TOP1: variants seen among roughly 807,000 people sequenced by gnomAD.
The protein encoded by TOP1 is DNA topoisomerase I.
Under a neutral mutation model 111.1 loss-of-function variants are expected in TOP1, and 10 were observed. That is an observed-to-expected ratio of 0.09 (90% CI 0.06 to 0.15). TOP1 has a LOEUF of 0.15. Ranked by LOEUF, TOP1 falls within the 10% of genes least tolerant of loss-of-function variation. TOP1 has a pLI of 1.00. For missense variants in TOP1, 474 were observed against 926.7 expected (o/e 0.51, Z 6.34); for synonymous variants, 271 against 302.9 (o/e 0.89, Z 1.10).
chr20:41,084,307 A>G (rs1327890624), intron 7 of TOP1, among the ~76,000 whole-genome samples, 155 bp from the exon 8 acceptor site: 2 of 152,116 alleles, frequency 1.3e-5, no homozygotes, highest in African/African-American at 4.8e-5. Flanking sequence ...GCACCAGTAC[A>G]TTGTTATTCA....
At chr20:41,085,545 T>C (rs1201651718) in intron 8 of TOP1, among the ~76,000 whole-genome samples, 1 of 152,244 alleles carries the variant, frequency 6.6e-6, no homozygotes, top group Non-Finnish European at 1.5e-5. Context: ...TTAACTACTA[T>C]ACCAGCAGTA....
rs1600564740 is a variant in TOP1, at chr20:41,058,822, C to T, written c.59-2572C>T. 6.6e-6 allele frequency among the ~76,000 whole-genome samples: 1 copy of T among 152,068 alleles called. No homozygotes were observed. Among genetic ancestry groups the T allele is most frequent in the East Asian group, 1.9e-4 (1 of 5,190 alleles). On this transcript the variant is annotated intron_variant, in intron 2 of 20. Transcript: ENST00000361337. This position sits in a 1 kb window ranked among gnomAD's most constrained non-coding sequence, Gnocchi z 4.2. ...AAATAGACCTATAATTATATGACCG[C>T]TCGAAAACGCCAAGACAATTTAATG...
chr20:41,121,727 C>A lies in TOP1; in HGVS notation c.1982C>A (p.Ala661Asp). The A allele has an allele frequency of 6.2e-7, 1 of 1,614,128 alleles. No individual in the cohort carries two copies. The highest frequency in any genetic ancestry group is 8.5e-7 in the Non-Finnish European group (1 of 1,179,984). The change falls in exon 19 of 21, where the codon GCC (alanine) becomes GAC (aspartate). Residue 661 changes from alanine (A) to aspartate (D), a missense_variant. Ala to Asp is a moderately radical substitution (Grantham distance 126). Transcript: ENST00000361337. The surrounding 1 kb of genome is among the most constrained non-coding windows in gnomAD (Gnocchi z 4.2). ...IDAKKEQLADARRDLKSAKAD... is the reference protein window; with the variant it reads ...IDAKKEQLADDRRDLKSAKAD... The stretch of plus-strand genomic sequence containing the variant: ...GCCAAGAAGGAACAGCTAGCAGATG[C>A]CCGGAGAGACCTGAAAAGTGCTAAG...
In TOP1 at chr20:41,028,993, C is replaced by T; in HGVS notation, c.-75C>T. On this transcript the variant is annotated 5_prime_UTR_variant, in exon 1 of 21. Coordinates refer to ENST00000361337, the MANE Select transcript of TOP1 (RefSeq NM_003286.4). The stretch of plus-strand genomic sequence containing the variant: ...CGAGCCTCCGGAGTCCCCGTCCGCC[C>T]GCACAGGCCGGTTCGCCGTCTGCGT... The T allele has an allele frequency of 1.5e-6, 2 of 1,358,818 alleles. No individual in the cohort carries two copies. The highest frequency in any genetic ancestry group is 2.7e-5 in the East Asian group (1 of 37,410). 84.2% of individuals were successfully genotyped at this position (1,358,818 alleles called of 1,614,324 possible).
At chr20:41,120,325 A>G (rs2034401977) in intron 18 of TOP1, among the ~76,000 whole-genome samples, 1 of 152,252 alleles carries the variant, frequency 6.6e-6, no homozygotes, top group Admixed American at 6.5e-5. Context: ...TGATCCTCTC[A>G]CAATGGTGGC....
intron 3 of TOP1, among the ~76,000 whole-genome samples, chr20:41,075,224 T>C (rs1470309417): frequency 6.6e-6 from 1 of 152,142 alleles, no homozygotes; most frequent in Non-Finnish European, 1.5e-5. Flanking sequence ...CAGGCTGGAG[T>C]GCAGTGGCAC....
Position 41,035,015 on chromosome 20 carries a change from A to G in TOP1, c.58+5560A>G, listed in dbSNP as rs142935494. Among the ~76,000 whole-genome samples, 340 of 152,136 alleles carry G rather than the reference A, an allele frequency of 2.2e-3. 1 individual carries two copies. Among genetic ancestry groups the G allele is most frequent in the African/African-American group, 6.5e-3 (271 of 41,494 alleles). On this transcript the variant is annotated intron_variant, in intron 2 of 20. Transcript: ENST00000361337. ...AGCGATCCTCCTACCTCACCCTCCC[A>G]AGTAGCTGGAACTACAGGTGCATGT... is the stretch of plus-strand genomic sequence containing the variant.
chr20:41,029,518 T>G lies in TOP1; in HGVS notation c.58+63T>G. 1 of 1,340,100 alleles carries G rather than the reference T, an allele frequency of 7.5e-7. No individual in the cohort carries two copies. Among genetic ancestry groups the G allele is most frequent in the Non-Finnish European group, 1.0e-6 (1 of 959,196 alleles). 83.0% of individuals were successfully genotyped at this position (1,340,100 alleles called of 1,614,324 possible). ...GCCGCCGGCCGCCTCCCCCGCGCCCTGCCGGTGCCGGGCAGAGGACAGACA... is the reference window on the plus strand; with the variant it reads ...GCCGCCGGCCGCCTCCCCCGCGCCCGGCCGGTGCCGGGCAGAGGACAGACA... On this transcript the variant is annotated intron_variant, in intron 2 of 20. Transcript: ENST00000361337. The surrounding 1 kb of genome is among the most constrained non-coding windows in gnomAD (Gnocchi z 6.1).
rs991768834 is a variant in TOP1 at position 41,089,357 on chromosome 20, A to T, written c.615-3115A>T. Among the ~76,000 whole-genome samples, 4 of 152,008 alleles carry T rather than the reference A, an allele frequency of 2.6e-5. No homozygotes were observed. In the South Asian group the frequency reaches 6.2e-4, roughly 24 times the overall value. On this transcript the variant is annotated intron_variant, in intron 8 of 20. Coordinates refer to ENST00000361337, the MANE Select transcript of TOP1 (RefSeq NM_003286.4). Reference sequence around the variant, plus strand: ...CCCAGTTCTTGGTAAGCACCATTCTACTTTCTGTCTCTATGAATTTGACTA... The same window carrying T: ...CCCAGTTCTTGGTAAGCACCATTCTTCTTTCTGTCTCTATGAATTTGACTA...
chr20:41,097,567 T>C lies in TOP1; in HGVS notation c.852+226T>C, dbSNP rs1600587495. Among the ~76,000 whole-genome samples the C allele has an allele frequency of 6.6e-6, 1 of 152,172 alleles. No individual in the cohort carries two copies. Among genetic ancestry groups the C allele is most frequent in the African/African-American group, 2.4e-5 (1 of 41,440 alleles). On this transcript the variant is annotated intron_variant, in intron 10 of 20. Coordinates refer to ENST00000361337, the MANE Select transcript of TOP1 (RefSeq NM_003286.4). This position sits in a 1 kb window ranked among gnomAD's most constrained non-coding sequence, Gnocchi z 4.2. Reference sequence around the variant, plus strand: ...CTATTGGCTCTCATGTGATGGCAGGTAGGTGGGGGTTATCAGATTAGGCCA... The same window carrying C: ...CTATTGGCTCTCATGTGATGGCAGGCAGGTGGGGGTTATCAGATTAGGCCA...
At chr20:41,045,319 G>A (rs1217296892) in intron 2 of TOP1, among the ~76,000 whole-genome samples, 1 of 152,078 alleles carries the variant, frequency 6.6e-6, no homozygotes, top group East Asian at 1.9e-4. Flanking sequence ...GTGTGAATTT[G>A]ATGTTATGAG....
intron 3 of TOP1, among the ~76,000 whole-genome samples, chr20:41,068,197 CTT>C (rs1256136406): frequency 1.3e-5 from 2 of 152,238 alleles, no homozygotes; most frequent in Non-Finnish European, 2.9e-5. Flanking sequence ...CTTTATCTCT[CTT>C]TGTCCCCAAA....
chr20:41,114,172 G>C lies in TOP1; in HGVS notation c.1638+17G>C. The C allele has an allele frequency of 6.3e-7, 1 of 1,596,574 alleles. No individual in the cohort carries two copies. On this transcript the variant is annotated intron_variant, in intron 15 of 20. Transcript: ENST00000361337. This position sits in a 1 kb window ranked among gnomAD's most constrained non-coding sequence, Gnocchi z 4.5. The stretch of plus-strand genomic sequence containing the variant: ...GAGAAACGAGTAAGTTAATGTACCT[G>C]TACTGTCTGACTTGTTTTCCATTAT...
chr20:41,029,521 C>T lies in TOP1; in HGVS notation c.58+66C>T, dbSNP rs144575642. 3.3e-5 allele frequency: 43 copies of T among 1,314,434 alleles called. No individual in the cohort carries two copies. The African/African-American group carries it at 5.5e-4, about 17-fold the overall frequency. The allele number at this position is 1,314,434 out of a possible 1,614,324, so 81.4% of individuals were successfully genotyped here. A position where few individuals can be genotyped will look rare whatever the true frequency, so the allele number is the denominator to read the frequency against. On this transcript the variant is annotated intron_variant, in intron 2 of 20. Coordinates refer to ENST00000361337, the MANE Select transcript of TOP1 (RefSeq NM_003286.4). The surrounding 1 kb of genome is among the most constrained non-coding windows in gnomAD (Gnocchi z 6.1). ...GCCGGCCGCCTCCCCCGCGCCCTGC[C>T]GGTGCCGGGCAGAGGACAGACATGG...
At position 41,114,010 on chromosome 20, in the gene TOP1, C is replaced by G; in HGVS notation, c.1493C>G (p.Thr498Arg). The G allele has an allele frequency of 6.2e-7, 1 of 1,613,776 alleles. No homozygotes were observed. Among genetic ancestry groups the G allele is most frequent in the Non-Finnish European group, 8.5e-7 (1 of 1,179,868 alleles). ...RAGNEKEEGE[T>R]ADTVGCCSLR... ...GGCAATGAAAAGGAGGAAGGAGAAA[C>G]AGCGGACACTGTGGGCTGCTGCTCA... The change falls in exon 15 of 21, where the codon ACA becomes AGA. Residue 498 changes from threonine (T) to arginine (R), a missense_variant. Physicochemically the swap from Thr to Arg is moderately conservative, Grantham distance 71. Coordinates refer to ENST00000361337, the MANE Select transcript of TOP1 (RefSeq NM_003286.4). The surrounding 1 kb of genome is among the most constrained non-coding windows in gnomAD (Gnocchi z 4.5).
rs900248810 is a variant in TOP1, at chr20:41,067,066, G to A, written c.155+5576G>A. 6.6e-6 allele frequency among the ~76,000 whole-genome samples: 1 copy of A among 152,090 alleles called. No homozygotes were observed. The highest frequency in any genetic ancestry group is 2.4e-5 in the African/African-American group (1 of 41,400). On this transcript the variant is annotated intron_variant, in intron 3 of 20. Transcript: ENST00000361337. The surrounding 1 kb of genome is among the most constrained non-coding windows in gnomAD (Gnocchi z 4.0). ...AGTACTTCTTGTTTTGATGTCTACT[G>A]ACACAGTACCTCTTTGCAACAAAGC...
chr20:41,105,979 A>T (rs1449610168), intron 13 of TOP1, among the ~76,000 whole-genome samples: 7 of 52,432 alleles, frequency 1.3e-4, no homozygotes, highest in East Asian at 9.1e-4. Flanking sequence ...CTCCCCTCCC[A>T]CCCCCACCCA....
At chr20:41,059,441 T>C (rs1040203484) in intron 2 of TOP1, among the ~76,000 whole-genome samples, 3 of 150,018 alleles carry the variant, frequency 2.0e-5, no homozygotes, top group African/African-American at 7.3e-5. Flanking sequence ...AATAAATAAA[T>C]AAATAAATAA....
Position 41,079,949 on chromosome 20 carries a change from C to G in TOP1, c.336-136C>G, listed in dbSNP as rs1298176035. ...GGATTGAAGTGAGAAAAAGTGCTCACAGAACATCTTCATGATATGTACGTG... is the reference window on the plus strand; with the variant it reads ...GGATTGAAGTGAGAAAAAGTGCTCAGAGAACATCTTCATGATATGTACGTG... On this transcript the variant is annotated intron_variant, in intron 5 of 20. Coordinates refer to ENST00000361337, the MANE Select transcript of TOP1 (RefSeq NM_003286.4). The surrounding 1 kb of genome is among the most constrained non-coding windows in gnomAD (Gnocchi z 4.0). 1 of 630,082 alleles carries G rather than the reference C, an allele frequency of 1.6e-6. No homozygotes were observed. The highest frequency in any genetic ancestry group is 2.8e-6 in the Non-Finnish European group (1 of 354,816). The allele number at this position is 630,082 out of a possible 1,614,324, so 39.0% of individuals were successfully genotyped here. A position where few individuals can be genotyped will look rare whatever the true frequency, so the allele number is the denominator to read the frequency against.
Sources: allele counts gnomAD v4.1 joint callset (sites outside exome capture counted in the v4.1 genomes callset), GRCh38; gene constraint gnomAD v4.1.1; non-coding constraint Gnocchi (gnomAD v3.1); transcripts MANE v1.5; gene names NCBI Gene and HGNC (gene_info 2026-07-23, HGNC 2026-07-21).